Variants in AS3MT observed in about 807,000 individuals in gnomAD.
AS3MT encodes arsenite methyltransferase.
A neutral mutation model predicts 45.3 loss-of-function variants in AS3MT; 47 were observed. That is an observed-to-expected ratio of 1.04 (90% CI 0.82 to 1.32). The LOEUF (loss-of-function observed/expected upper bound fraction) is 1.32, where lower values mean the gene tolerates loss of function less well. Among genes scored for constraint, AS3MT ranks in the 40% most tolerant of loss-of-function variants. The pLI is 0.00. For synonymous variants in AS3MT, 141 were observed against 152.8 expected (o/e 0.92, Z 0.57); for missense variants, 396 against 451.1 (o/e 0.88, Z 1.11).
chr10:102,883,751 A>G (rs1844903681), intron 9 of AS3MT, among the ~76,000 whole-genome samples: 1 of 151,792 alleles, frequency 6.6e-6, no homozygotes, highest in Admixed American at 6.6e-5. Context: ...CCAATAGTCC[A>G]AAGCCCTAAT....
chr10:102,886,792 TTTTC>T (rs1844966029), intron 9 of AS3MT, among the ~76,000 whole-genome samples: 1 of 152,086 alleles, frequency 6.6e-6, no homozygotes, highest in African/African-American at 2.4e-5. Flanking sequence ...GATTTTTGTA[TTTTC>T]TGTAGAGACA....
At chr10:102,883,980 C>CTTTTTTTT (rs35305641) in intron 9 of AS3MT, among the ~76,000 whole-genome samples, 1 of 129,434 alleles carries the variant, frequency 7.7e-6, no homozygotes, top group African/African-American at 2.8e-5. Context: ...TTCTTTATTT[C>CTTTTTTTT]TTTTTTTTTT....
At chr10:102,898,942 G>C (rs990616194) in intron 10 of AS3MT, among the ~76,000 whole-genome samples, 2 of 152,184 alleles carry the variant, frequency 1.3e-5, no homozygotes, top group African/African-American at 4.8e-5. Context: ...ACTTCTCATA[G>C]AATCACAGGA....
At position 102,869,812 on chromosome 10, in the gene AS3MT, A is replaced by C. The variant is rs1432439157; in HGVS notation, c.9A>C (p.Ala3=). Residue 3 remains alanine, a synonymous_variant, in exon 2 of 11, where the codon GCA becomes GCC. Coordinates refer to ENST00000369880, the MANE Select transcript of AS3MT (RefSeq NM_020682.4). MA[A]LRDAEIQKDV... ...CTTTCCCGCTCCCGACAGTGGCTGC[A>C]CTTCGTGACGCTGAGATACAGAAGG... The C allele has an allele frequency of 6.2e-7, 1 of 1,614,084 alleles. No homozygotes were observed. Among genetic ancestry groups the C allele is most frequent in the Non-Finnish European group, 8.5e-7 (1 of 1,180,034 alleles).
intron 10 of AS3MT, among the ~76,000 whole-genome samples, chr10:102,895,624 C>A (rs1308631510): frequency 2.0e-5 from 3 of 152,156 alleles, no homozygotes; most frequent in African/African-American, 7.2e-5. Flanking sequence ...AGTAGAGTTA[C>A]AAACCATTGT....
intron 9 of AS3MT, among the ~76,000 whole-genome samples, chr10:102,884,866 A>G (rs1159592135): frequency 2.6e-5 from 4 of 152,138 alleles, no homozygotes; most frequent in Non-Finnish European, 5.9e-5. Flanking sequence ...TTTAATGCAT[A>G]ATAGATGTAC....
chr10:102,876,916 T>C (rs1279221789), intron 6 of AS3MT, 38 bp from the exon 7 acceptor site: 5 of 1,585,304 alleles, frequency 3.2e-6, no homozygotes, highest in Non-Finnish European at 4.3e-6. Flanking sequence ...AATGTAATCA[T>C]TAATCATCTT....
intron 10 of AS3MT, among the ~76,000 whole-genome samples, chr10:102,897,987 A>T (rs940574833): frequency 6.6e-6 from 1 of 152,174 alleles, no homozygotes; most frequent in Non-Finnish European, 1.5e-5. Context: ...CAGATGTGCC[A>T]ATGTCTTTAG....
chr10:102,893,506 T>C lies in AS3MT; in HGVS notation c.1020+2828T>C, dbSNP rs1304759042. On this transcript the variant is annotated intron_variant, in intron 10 of 10. Transcript: ENST00000369880. ...GCTAATTTTTTTTTCTTTTTTTTTT[T>C]TTTTTCCGAGATGGAGTCTTGCTCT... Among the ~76,000 whole-genome samples the C allele has an allele frequency of 2.7e-5, 4 of 147,828 alleles. No individual in the cohort carries two copies. In the South Asian group the frequency reaches 6.5e-4, roughly 24 times the overall value.
At position 102,873,175 on chromosome 10, in the gene AS3MT, G is replaced by C. The variant is rs1258963773; in HGVS notation, c.400G>C (p.Gly134Arg). The C allele has an allele frequency of 3.1e-6, 5 of 1,610,766 alleles. No homozygotes were observed. Among genetic ancestry groups the C allele is most frequent in the Non-Finnish European group, 4.2e-6 (5 of 1,179,046 alleles). The change falls in exon 5 of 11, where the codon GGC becomes CGC. Residue 134 changes from glycine to arginine, a missense_variant. Physicochemically the swap from Gly to Arg is moderately radical, Grantham distance 125 (BLOSUM62 -2). Transcript: ENST00000369880. ...FQASNVTFIH[G>R]YIEKLGEAGI... ...GGCATCTAATGTGACTTTTATTCAT[G>C]GCTACATTGAGAAGTTGGGAGAGGC...
chr10:102,888,443 T>G (rs1844993442), intron 9 of AS3MT, among the ~76,000 whole-genome samples: 1 of 152,082 alleles, frequency 6.6e-6, no homozygotes, highest in Non-Finnish European at 1.5e-5. Context: ...TTCTGTGAGA[T>G]GGAGTTTTGC....
rs570261906 is a variant in AS3MT, at chr10:102,873,199, G to T, written c.424G>T (p.Ala142Ser). 8 of 1,608,992 alleles carry T rather than the reference G, an allele frequency of 5.0e-6. No individual in the cohort carries two copies. In the East Asian group the frequency reaches 1.8e-4, roughly 36 times the overall value. Residue 142 changes from alanine (A) to serine (S), a missense_variant, in exon 5 of 11, where the codon GCT (alanine) becomes TCT (serine). By Grantham distance (99) the Ala-to-Ser change is moderately conservative (BLOSUM62 1). Coordinates refer to ENST00000369880, the MANE Select transcript of AS3MT (RefSeq NM_020682.4). The stretch of plus-strand genomic sequence containing the variant: ...TGGCTACATTGAGAAGTTGGGAGAG[G>T]CTGGAATCAAGAATGAGAGCCATGA... The part of the protein sequence containing the change: ...IHGYIEKLGE[A>S]GIKNESHDIV...
intron 3 of AS3MT, 73 bp from the exon 4 acceptor site, chr10:102,872,375 A>G: frequency 6.8e-7 from 1 of 1,474,050 alleles, no homozygotes; most frequent in Non-Finnish European, 9.4e-7. Flanking sequence ...GGGAGGAGGG[A>G]AGTATGTATA....
At chr10:102,877,099 G>C in intron 7 of AS3MT, 64 bp downstream of exon 7, 1 of 1,463,138 alleles carries the variant, frequency 6.8e-7, no homozygotes, top group Non-Finnish European at 9.6e-7. Flanking sequence ...ACTCCTTTCT[G>C]CTAATAGCCA....
At chr10:102,872,775 T>C (rs1844714562) in intron 4 of AS3MT, among the ~76,000 whole-genome samples, 177 bp downstream of exon 4, 1 of 152,184 alleles carries the variant, frequency 6.6e-6, no homozygotes, top group Non-Finnish European at 1.5e-5. Flanking sequence ...CAATTAGGGG[T>C]TCTTCTGGGC....
In AS3MT at chr10:102,901,456, G is replaced by A. The variant is rs1454949071; in HGVS notation, c.*756G>A. The A allele has an allele frequency of 1.3e-5, 2 of 152,152 alleles. No homozygotes were observed. The highest frequency in any genetic ancestry group is 3.9e-4 in the East Asian group (2 of 5,188). 9.4% of individuals were successfully genotyped at this position (152,152 alleles called of 1,614,324 possible). On this transcript the variant is annotated 3_prime_UTR_variant, in exon 11 of 11. Coordinates refer to ENST00000369880, the MANE Select transcript of AS3MT (RefSeq NM_020682.4). ...GATCCGCCCGCCTCGGCCTCCCAAA[G>A]TGCTGGGATTACAAGCATGAGCCAC...
At chr10:102,871,475 A>G (rs1425373687) in intron 3 of AS3MT, among the ~76,000 whole-genome samples, 1 of 134,496 alleles carries the variant, frequency 7.4e-6, no homozygotes, top group Non-Finnish European at 1.5e-5. Context: ...TGAACCCGGG[A>G]GGCGGAGCTT....
intron 5 of AS3MT, 123 bp from the exon 6 acceptor site, chr10:102,874,469 G>A: frequency 1.5e-6 from 1 of 664,626 alleles, no homozygotes; most frequent in Middle Eastern, 2.4e-4. Flanking sequence ...AAAGAGAGGA[G>A]GGAGGCGGTA....
chr10:102,890,026 TC>T (rs1845043201), intron 9 of AS3MT, among the ~76,000 whole-genome samples: 1 of 141,266 alleles, frequency 7.1e-6, no homozygotes, highest in South Asian at 2.3e-4. Flanking sequence ...GGAGTCTCGC[TC>T]TGTTGCCCAG....
Sources: allele counts gnomAD v4.1 joint callset (sites outside exome capture counted in the v4.1 genomes callset), GRCh38; gene constraint gnomAD v4.1.1; transcripts MANE v1.5; gene names NCBI Gene and HGNC (gene_info 2026-07-23, HGNC 2026-07-21).